Variants in TJP1 observed in about 807,000 individuals in gnomAD.
The protein encoded by TJP1 is tight junction protein ZO-1.
TJP1 carries 43 observed loss-of-function variants against 194.2 expected under a neutral mutation model. The ratio of observed to expected loss-of-function variants is 0.22; its 90% CI spans 0.17 to 0.29. The LOEUF is 0.29. TJP1 is among the 10% of genes least tolerant of loss of function. TJP1 has a pLI of 1.00. For synonymous variants in TJP1, 801 were observed against 779.0 expected (o/e 1.03, Z -0.47); for missense variants, 1,971 against 2,185.7 (o/e 0.90, Z 1.96).
At chr15:29,814,970 T>C (rs2049809367) in intron 1 of TJP1, among the ~76,000 whole-genome samples, 1 of 152,252 alleles carries the variant, frequency 6.6e-6, no homozygotes, top group African/African-American at 2.4e-5. Context: ...GTACAAAGTT[T>C]GGTAACATTG....
chr15:29,943,434 C>A (rs2055154911), intron 2 of TJP1, among the ~76,000 whole-genome samples: 1 of 151,758 alleles, frequency 6.6e-6, no homozygotes, highest in Admixed American at 6.6e-5. Context: ...TTGAGACTAG[C>A]CTGGCCAACA....
At chr15:29,893,742 T>C (rs1170474431) in intron 2 of TJP1, among the ~76,000 whole-genome samples, 2 of 152,216 alleles carry the variant, frequency 1.3e-5, no homozygotes, top group African/African-American at 4.8e-5. Context: ...GCAAACATAT[T>C]TTATATGCAC....
chr15:29,726,317 G>C, intron 18 of TJP1, 62 bp downstream of exon 18: 1 of 1,352,826 alleles, frequency 7.4e-7, no homozygotes, highest in Non-Finnish European at 1.1e-6. Context: ...TATCTCAAAA[G>C]CATCTCTGAT....
At chr15:29,719,273 C>A in intron 20 of TJP1, 135 bp from the exon 21 acceptor site, 2 of 1,121,538 alleles carry the variant, frequency 1.8e-6, no homozygotes, top group African/African-American at 3.1e-5. Context: ...TCAGGATAGA[C>A]AAGATTAGTG....
At chr15:29,922,094 G>A (rs868252697) in intron 2 of TJP1, among the ~76,000 whole-genome samples, 3 of 152,042 alleles carry the variant, frequency 2.0e-5, no homozygotes, top group African/African-American at 4.8e-5. Context: ...TGATCCATCC[G>A]CCCTAGGCTC....
rs887722863 is a variant in TJP1 at position 29,700,651 on chromosome 15, A to C, written c.*944T>G. On this transcript the variant is annotated 3_prime_UTR_variant, in exon 28 of 28. Transcript: ENST00000614355. Reference sequence around the variant, plus strand: ...AAGTGGTATGCACGCATTATGTACAAGCATCCTTAAAACATCAAAATTTTC... The same window carrying C: ...AAGTGGTATGCACGCATTATGTACACGCATCCTTAAAACATCAAAATTTTC... 5 of 381,384 alleles carry C rather than the reference A, an allele frequency of 1.3e-5. No individual in the cohort carries two copies. The highest frequency in any genetic ancestry group is 8.3e-5 in the African/African-American group (4 of 48,176). 23.6% of individuals were successfully genotyped at this position (381,384 alleles called of 1,614,324 possible). A position where few individuals can be genotyped will look rare whatever the true frequency, so the allele number is the denominator to read the frequency against.
intron 2 of TJP1, among the ~76,000 whole-genome samples, chr15:29,908,289 C>T (rs894822719): frequency 2.0e-5 from 3 of 151,970 alleles, no homozygotes; most frequent in Non-Finnish European, 4.4e-5. Flanking sequence ...TAAAAGCTTC[C>T]AAAGAGACAG....
chr15:29,940,764 C>G (rs2055044694), intron 2 of TJP1, among the ~76,000 whole-genome samples: 1 of 152,188 alleles, frequency 6.6e-6, no homozygotes, highest in Non-Finnish European at 1.5e-5. Context: ...TAAATCGACT[C>G]ATTCAACACA....
At chr15:29,720,919 GA>G (rs2042890900) in intron 18 of TJP1, among the ~76,000 whole-genome samples, 1 of 152,142 alleles carries the variant, frequency 6.6e-6, no homozygotes, top group South Asian at 2.1e-4. Context: ...ATGGATGAAG[GA>G]AACAGTGGCC....
intron 2 of TJP1, among the ~76,000 whole-genome samples, chr15:29,838,526 G>A (rs2051111648): frequency 6.6e-6 from 1 of 152,092 alleles, no homozygotes; most frequent in African/African-American, 2.4e-5. Context: ...CATAACTCTA[G>A]AACAATATTC....
chr15:29,846,218 T>C (rs1348061635), intron 2 of TJP1, among the ~76,000 whole-genome samples: 4 of 152,194 alleles, frequency 2.6e-5, no homozygotes, highest in Admixed American at 1.3e-4. Context: ...ATCCTTAATA[T>C]GGCCTACAGC....
chr15:29,826,760 C>T (rs1294303134), upstream of TJP1, among the ~76,000 whole-genome samples: 1 of 152,176 alleles, frequency 6.6e-6, no homozygotes, highest in East Asian at 1.9e-4. Context: ...AGGCTACCTA[C>T]CAAGGTGTGC....
At chr15:29,826,445 T>C (rs1479901309), upstream of TJP1, among the ~76,000 whole-genome samples, 1 of 152,194 alleles carries the variant, frequency 6.6e-6, no homozygotes, top group Admixed American at 6.5e-5. Flanking sequence ...TTTCCTATGA[T>C]TCCTTTAAGA....
intron 2 of TJP1, among the ~76,000 whole-genome samples, chr15:29,920,739 T>G (rs906475100): frequency 2.0e-5 from 3 of 152,150 alleles, no homozygotes; most frequent in Admixed American, 6.5e-5. Flanking sequence ...GCAAGGGAAC[T>G]AGAGTGGCCC....
chr15:29,734,321 A>G lies in TJP1; in HGVS notation c.1469T>C (p.Leu490Pro). 6.2e-7 allele frequency: 1 copy of G among 1,613,290 alleles called. No individual in the cohort carries two copies. Among genetic ancestry groups the G allele is most frequent in the South Asian group, 1.1e-5 (1 of 90,894 alleles). The change falls in exon 12 of 28, where the codon CTC becomes CCC. Residue 490 changes from leucine to proline, a missense_variant. By Grantham distance (98) the Leu-to-Pro change is moderately conservative. This residue lies in a region of TJP1 where 402 missense variants were observed against 484.2 expected (regional missense o/e 0.83). Transcript: ENST00000614355. ...REEAVLFLLD[L>P]PKGEEVTILA... The stretch of plus-strand genomic sequence containing the variant: ...TATGGTCACTTCTTCTCCTTTAGGG[A>G]GGTCAAGCAGGAAAAGGACGGCTTC...
At chr15:29,706,804 C>A (rs1047506918) in intron 25 of TJP1, among the ~76,000 whole-genome samples, 1 of 152,080 alleles carries the variant, frequency 6.6e-6, no homozygotes, top group African/African-American at 2.4e-5. Flanking sequence ...GGATTACAGG[C>A]GTCTGCCACC....
At chr15:29,905,634 T>A (rs761248515) in intron 2 of TJP1, among the ~76,000 whole-genome samples, 6 of 152,234 alleles carry the variant, frequency 3.9e-5, no homozygotes, top group Admixed American at 6.5e-5. Context: ...GGTGAATGAA[T>A]AAACAAACTG....
At chr15:29,865,612 G>A (rs1302547303) in intron 2 of TJP1, among the ~76,000 whole-genome samples, 1 of 152,136 alleles carries the variant, frequency 6.6e-6, no homozygotes, top group East Asian at 1.9e-4. Context: ...TAAATATGTA[G>A]AACATCTGCA....
At chr15:29,835,599 A>G (rs2050998736) in intron 2 of TJP1, among the ~76,000 whole-genome samples, 1 of 151,954 alleles carries the variant, frequency 6.6e-6, no homozygotes, top group African/African-American at 2.4e-5. Context: ...GCAGTGAGCT[A>G]TGATCGCGCC....
Sources: gnomAD v4.1 joint callset for allele counts (sites outside exome capture counted in the v4.1 genomes callset) on GRCh38, gnomAD v4.1.1 for gene constraint, gnomAD v4.1.1 regional missense constraint, MANE v1.5 for transcripts, NCBI Gene and HGNC (gene_info 2026-07-23, HGNC 2026-07-21) for gene names.